SLC14A2: variants seen among roughly 807,000 people sequenced by gnomAD.
SLC14A2 encodes the protein solute carrier family 14 member 2, also known as urea transporter 2.
Under a neutral mutation model 104.6 loss-of-function variants are expected in SLC14A2, and 91 were observed. The observed-to-expected ratio is 0.87, with a 90% CI of 0.73 to 1.04. The LOEUF (loss-of-function observed/expected upper bound fraction) is 1.04, where lower values mean the gene tolerates loss of function less well. Among genes scored for constraint, SLC14A2 ranks in the 50% least tolerant of loss-of-function variants. The probability of loss-of-function intolerance (pLI) is 0.00; values close to 1 mark genes in which losing one functional copy is unlikely to be tolerated. For missense variants in SLC14A2, 1,189 were observed against 1,156.0 expected (o/e 1.03, Z -0.41); for synonymous variants, 476 against 466.4 (o/e 1.02, Z -0.27).
intron 2 of SLC14A2, chr18:45,529,114 G>A (rs1231834894): frequency 6.6e-6 from 1 of 152,220 alleles, no homozygotes; most frequent in Non-Finnish European, 1.5e-5. Flanking sequence ...TCCCAGCCAA[G>A]AGCCCTGCTC....
At chr18:45,471,127 T>C (rs1179680993) in intron 1 of SLC14A2, among the ~76,000 whole-genome samples, 1 of 152,226 alleles carries the variant, frequency 6.6e-6, no homozygotes, top group African/African-American at 2.4e-5. Flanking sequence ...ATGCATTTTC[T>C]GCATTATTAG....
chr18:45,655,504 C>A (rs552452672), intron 10 of SLC14A2, among the ~76,000 whole-genome samples: 1 of 152,280 alleles, frequency 6.6e-6, no homozygotes, highest in African/African-American at 2.4e-5. Flanking sequence ...CTCTAAAGTG[C>A]CTGATTGGTA....
At chr18:45,426,688 T>TATAC (rs1285112212) in intron 1 of SLC14A2, among the ~76,000 whole-genome samples, 2 of 121,696 alleles carry the variant, frequency 1.6e-5, no homozygotes, top group African/African-American at 5.8e-5. Flanking sequence ...CATATACATA[T>TATAC]ATACATACAT....
At chr18:45,639,156 G>A (rs1197875269) in intron 6 of SLC14A2, among the ~76,000 whole-genome samples, 1 of 152,070 alleles carries the variant, frequency 6.6e-6, no homozygotes, top group Non-Finnish European at 1.5e-5. Context: ...CTTTCCAAAG[G>A]CTCACAACCC....
rs141644181 is a variant in SLC14A2 at position 45,624,727 on chromosome 18, C to T, written c.63C>T (p.Tyr21=). 622 of 1,613,526 alleles carry T rather than the reference C, an allele frequency of 3.9e-4. 1 individual carries two copies. The African/African-American group carries it at 7.0e-3, about 18-fold the overall frequency. The change falls in exon 2 of 20, where the codon TAC becomes TAT. Residue 21 remains tyrosine, a synonymous_variant. Transcript: ENST00000255226. The stretch of plus-strand genomic sequence containing the variant: ...CACTTTCCAGCAGATACAAACTCTA[C>T]GAGGCAGAGTTTACCAGCCCGAGCT... The part of the protein sequence containing the change: ...PEPLSSRYKL[Y]EAEFTSPSWP...
intron 10 of SLC14A2, among the ~76,000 whole-genome samples, chr18:45,654,144 G>C (rs2045790104): frequency 1.3e-5 from 2 of 151,308 alleles, no homozygotes; most frequent in South Asian, 4.2e-4. Flanking sequence ...TGCTGGGGGG[G>C]ACGTGGGTGA....
intron 2 of SLC14A2, among the ~76,000 whole-genome samples, chr18:45,504,041 G>A (rs1436837606): frequency 6.6e-6 from 1 of 152,202 alleles, no homozygotes; most frequent in African/African-American, 2.4e-5. Context: ...GCACTCACAA[G>A]GGTGACTGAT....
chr18:45,514,382 G>A (rs575891167), intron 2 of SLC14A2, among the ~76,000 whole-genome samples: 1 of 152,216 alleles, frequency 6.6e-6, no homozygotes, highest in South Asian at 2.1e-4. Flanking sequence ...CAACACTACA[G>A]GAAAGGTGCT....
rs190536511 is a variant in SLC14A2, at chr18:45,640,422, G to A, written c.991+529G>A. ...AAGACCAACTGTGATAAAATAAATG[G>A]CCCAGCACTCTGAAATTTTTGGTAA... On this transcript the variant is annotated intron_variant, in intron 7 of 19. Transcript: ENST00000255226. 2.0e-5 allele frequency among the ~76,000 whole-genome samples: 3 copies of A among 152,226 alleles called. No individual in the cohort carries two copies. In the East Asian group the frequency reaches 5.8e-4, roughly 29 times the overall value.
intron 1 of SLC14A2, among the ~76,000 whole-genome samples, chr18:45,284,578 G>A (rs34973229): frequency 0.024 from 3,630 of 152,184 alleles, 69 homozygotes; most frequent in Non-Finnish European, 0.034. Flanking sequence ...AGCCTACAGG[G>A]AGTGACTTCC....
chr18:45,354,425 C>T (rs964161564), intron 1 of SLC14A2, among the ~76,000 whole-genome samples: 3 of 152,226 alleles, frequency 2.0e-5, no homozygotes, highest in African/African-American at 4.8e-5. Flanking sequence ...CCTCCGCTCA[C>T]TACTTCAACC....
In SLC14A2 at chr18:45,666,153, A is replaced by G; in HGVS notation, c.1491A>G (p.Glu497=). Residue 497 remains glutamate, a synonymous_variant, in exon 12 of 20, where the codon GAA becomes GAG. Transcript: ENST00000255226. ...TAACTCCAGTGTTTGGAAAAGGCGA[A>G]CACCAGGAAAGACAAAACAAAGACC... ...RRRSKVFGKG[E]HQERQNKDPF... 1.9e-6 allele frequency: 3 copies of G among 1,613,724 alleles called. No homozygotes were observed. Among genetic ancestry groups the G allele is most frequent in the Non-Finnish European group, 2.5e-6 (3 of 1,179,638 alleles).
At chr18:45,675,247 T>C (rs1289369192) in intron 18 of SLC14A2, among the ~76,000 whole-genome samples, 1 of 152,216 alleles carries the variant, frequency 6.6e-6, no homozygotes, top group Non-Finnish European at 1.5e-5. Flanking sequence ...ACAGTAATAA[T>C]ATCTAACATT....
intron 2 of SLC14A2, among the ~76,000 whole-genome samples, chr18:45,502,072 A>G (rs908094682): frequency 6.6e-6 from 1 of 152,204 alleles, no homozygotes; most frequent in Admixed American, 6.5e-5. Context: ...ATTCCGTGGC[A>G]TCTGTCTGTG....
intron 1 of SLC14A2, among the ~76,000 whole-genome samples, chr18:45,301,905 T>C (rs958406102): frequency 1.3e-5 from 2 of 152,182 alleles, no homozygotes; most frequent in African/African-American, 4.8e-5. Flanking sequence ...CTCTCCTAAG[T>C]CTATCCTCCT....
At chr18:45,495,297 G>A (rs1267415830) in intron 2 of SLC14A2, among the ~76,000 whole-genome samples, 1 of 152,128 alleles carries the variant, frequency 6.6e-6, no homozygotes, top group African/African-American at 2.4e-5. Flanking sequence ...TAGAAAAATA[G>A]GAAATAAAAA....
intron 2 of SLC14A2, among the ~76,000 whole-genome samples, chr18:45,591,002 C>G (rs981677118): frequency 2.6e-5 from 4 of 152,194 alleles, no homozygotes; most frequent in Non-Finnish European, 5.9e-5. Context: ...AGCATGGGTG[C>G]TGCAGAGTCT....
the SLC14A2 span, among the ~76,000 whole-genome samples, chr18:45,183,229 C>T: frequency 5.9e-5 from 9 of 152,286 alleles, no homozygotes; most frequent in South Asian, 1.9e-3. Context: ...GCTGATCCTC[C>T]TGCAATGGCT....
chr18:45,358,586 T>C (rs966451404), intron 1 of SLC14A2, among the ~76,000 whole-genome samples: 1 of 151,900 alleles, frequency 6.6e-6, no homozygotes, highest in East Asian at 1.9e-4. Context: ...TTCCCCATAA[T>C]TTTTTTTAGG....
Sources: gnomAD v4.1 joint callset for allele counts (sites outside exome capture counted in the v4.1 genomes callset) on GRCh38, gnomAD v4.1.1 for gene constraint, MANE v1.5 for transcripts, NCBI Gene and HGNC (gene_info 2026-07-23, HGNC 2026-07-21) for gene names.